Variants in UBL3 observed in about 807,000 individuals in gnomAD.
UBL3 encodes the protein ubiquitin like 3.
Under a neutral mutation model 18.4 loss-of-function variants are expected in UBL3, and 6 were observed. The ratio of observed to expected loss-of-function variants is 0.33; its 90% CI spans 0.18 to 0.64. The LOEUF (loss-of-function observed/expected upper bound fraction) is 0.64, where lower values mean the gene tolerates loss of function less well. Ranked by LOEUF, UBL3 falls within the 30% of genes least tolerant of loss-of-function variation. UBL3 has a pLI of 0.76. For synonymous variants in UBL3, 49 were observed against 46.6 expected (o/e 1.05, Z -0.21); for missense variants, 109 against 142.9 (o/e 0.76, Z 1.21).
At chr13:29,836,527 A>C (rs891482612) in intron 1 of UBL3, among the ~76,000 whole-genome samples, 8 of 152,046 alleles carry the variant, frequency 5.3e-5, no homozygotes, top group African/African-American at 1.9e-4. Flanking sequence ...TCCGGAGAAC[A>C]ACCAAGGGTC....
chr13:29,793,015 T>C (rs1877521521), intron 1 of UBL3, among the ~76,000 whole-genome samples: 1 of 152,214 alleles, frequency 6.6e-6, no homozygotes, highest in Admixed American at 6.5e-5. Flanking sequence ...AGAATGCTCA[T>C]AAACTCATTG....
chr13:29,847,947 A>G (rs1879269555), intron 1 of UBL3, among the ~76,000 whole-genome samples: 1 of 152,178 alleles, frequency 6.6e-6, no homozygotes, highest in Non-Finnish European at 1.5e-5. Context: ...GAGTTTTAGG[A>G]CTCAGGAAGG....
chr13:29,780,353 C>CA (rs71746248), intron 1 of UBL3, among the ~76,000 whole-genome samples: 183 of 8,408 alleles, frequency 0.022, 10 homozygotes, highest in East Asian at 0.11. Context: ...GACTCTGTCT[C>CA]AAAAAAAAAA....
intron 1 of UBL3, among the ~76,000 whole-genome samples, chr13:29,831,706 T>TA (rs1488558423): frequency 1.4e-5 from 2 of 142,528 alleles, no homozygotes. Context: ...TACTTAATGA[T>TA]AGAAAAAAAA....
chr13:29,767,426 C>G, intron 4 of UBL3, 119 bp from the exon 5 acceptor site: 4 of 1,315,442 alleles, frequency 3.0e-6, no homozygotes, highest in Non-Finnish European at 4.2e-6. Flanking sequence ...TTGCATTTTT[C>G]AAAATTAAGA....
chr13:29,769,209 G>A (rs185833297), intron 3 of UBL3, among the ~76,000 whole-genome samples: 1 of 152,178 alleles, frequency 6.6e-6, no homozygotes, highest in Non-Finnish European at 1.5e-5. Context: ...AAAAAAGGTA[G>A]GTAAACTGAG....
intron 3 of UBL3, among the ~76,000 whole-genome samples, chr13:29,769,361 T>A (rs1876776342): frequency 6.6e-6 from 1 of 152,126 alleles, no homozygotes; most frequent in African/African-American, 2.4e-5. Context: ...TTGATGTTAA[T>A]AACATTTAAA....
intron 1 of UBL3, among the ~76,000 whole-genome samples, chr13:29,788,898 T>TGC (rs147055950): frequency 4.0e-4 from 7 of 17,684 alleles, no homozygotes; most frequent in African/African-American, 1.0e-3. Flanking sequence ...CGCACGTGTG[T>TGC]GCGTGTGTGT....
chr13:29,833,970 G>A (rs1208203372), intron 1 of UBL3, among the ~76,000 whole-genome samples: 3 of 152,024 alleles, frequency 2.0e-5, no homozygotes, highest in African/African-American at 4.8e-5. Context: ...GGCAGATCAC[G>A]AGGTCAAGAG....
At position 29,850,392 on chromosome 13, in the gene UBL3, C is replaced by G. The variant is rs997658766; in HGVS notation, c.-854G>C. The G allele has an allele frequency of 1.3e-5, 2 of 153,490 alleles. No individual in the cohort carries two copies. The highest frequency in any genetic ancestry group is 4.8e-5 in the African/African-American group (2 of 41,462). The allele number at this position is 153,490 out of a possible 1,614,324, so 9.5% of individuals were successfully genotyped here. A position where few individuals can be genotyped will look rare whatever the true frequency, so the allele number is the denominator to read the frequency against. On this transcript the variant is annotated 5_prime_UTR_variant, in exon 1 of 5. Transcript: ENST00000380680. ...CTCCCCGGTCTCCGCCTTCCCTTCC[C>G]CTCCCCTCCCCGGCCTCGCGAGCTC...
chr13:29,767,603 C>T lies in UBL3; in HGVS notation c.301+15G>A. The T allele has an allele frequency of 6.2e-7, 1 of 1,610,552 alleles. No individual in the cohort carries two copies. The highest frequency in any genetic ancestry group is 8.5e-7 in the Non-Finnish European group (1 of 1,178,358). ...TTGTGCCTCAACTGAGATACTTTTC[C>T]AGTGCATGGCTTACCTTGAGAGTTT... On this transcript the variant is annotated intron_variant, in intron 4 of 4. Coordinates refer to ENST00000380680, the MANE Select transcript of UBL3 (RefSeq NM_007106.4).
chr13:29,813,745 G>C (rs991878978), intron 1 of UBL3, among the ~76,000 whole-genome samples: 1 of 151,948 alleles, frequency 6.6e-6, no homozygotes, highest in Admixed American at 6.6e-5. Context: ...GTGATGGTAG[G>C]GTCCTGAACA....
intron 1 of UBL3, among the ~76,000 whole-genome samples, chr13:29,782,748 G>C (rs1032133262): frequency 3.3e-5 from 5 of 152,166 alleles, no homozygotes; most frequent in African/African-American, 9.7e-5. Context: ...TTCTGGGTGG[G>C]GAAGGGGGAG....
At chr13:29,835,746 G>A (rs1357630264) in intron 1 of UBL3, among the ~76,000 whole-genome samples, 4 of 108,888 alleles carry the variant, frequency 3.7e-5, no homozygotes, top group Admixed American at 2.6e-4. Context: ...AGAGCTAGAC[G>A]CTGTCTCAAA....
intron 1 of UBL3, among the ~76,000 whole-genome samples, chr13:29,842,858 A>G (rs1879139752): frequency 6.6e-6 from 1 of 152,222 alleles, no homozygotes; most frequent in African/African-American, 2.4e-5. Context: ...ACCAAAACAG[A>G]TATGATCAAG....
intron 1 of UBL3, among the ~76,000 whole-genome samples, chr13:29,827,035 C>T (rs1005408056): frequency 6.6e-6 from 1 of 152,190 alleles, no homozygotes; most frequent in African/African-American, 2.4e-5. Flanking sequence ...TTTGATTGCA[C>T]TGTGGTCTGA....
chr13:29,848,656 T>A (rs1048099170), intron 1 of UBL3, among the ~76,000 whole-genome samples: 1 of 152,192 alleles, frequency 6.6e-6, no homozygotes, highest in African/African-American at 2.4e-5. Flanking sequence ...ATGTTTGTCC[T>A]TAGGACTGCA....
At chr13:29,828,989 G>T (rs571483370) in intron 1 of UBL3, among the ~76,000 whole-genome samples, 1 of 152,174 alleles carries the variant, frequency 6.6e-6, no homozygotes, top group Non-Finnish European at 1.5e-5. Flanking sequence ...GCAGAACAGC[G>T]AATATTGCTC....
chr13:29,816,754 CAAAAAAAAAAAAAAAAAAA>C (rs57272367), intron 1 of UBL3, among the ~76,000 whole-genome samples: 3 of 42,622 alleles, frequency 7.0e-5, no homozygotes, highest in Non-Finnish European at 1.6e-4. Flanking sequence ...GACCCTGTCT[CAAAAAAAAAAAAAAAAAAA>C]AAAAAAAAAG....
Sources: gnomAD v4.1 joint callset for allele counts (sites outside exome capture counted in the v4.1 genomes callset) on GRCh38, gnomAD v4.1.1 for gene constraint, MANE v1.5 for transcripts, NCBI Gene and HGNC (gene_info 2026-07-23, HGNC 2026-07-21) for gene names.